Variants in COL5A2 observed in about 807,000 individuals in gnomAD.
COL5A2 encodes collagen alpha-2(V) chain.
A neutral mutation model predicts 208.2 loss-of-function variants in COL5A2; 23 were observed. The ratio of observed to expected loss-of-function variants is 0.11; its 90% confidence interval spans 0.08 to 0.16. The LOEUF is 0.16. Ranked by LOEUF, COL5A2 falls within the 10% of genes least tolerant of loss-of-function variation. COL5A2 has a pLI of 1.00. For missense variants in COL5A2, 1,590 were observed against 1,956.4 expected, an observed-to-expected ratio of 0.81 and a Z score of 3.53; for synonymous variants, 625 against 628.5, an observed-to-expected ratio of 0.99 and a Z score of 0.08.
At chr2:189,278,975 T>G in the COL5A2 span, among the ~76,000 whole-genome samples, 2 of 152,000 alleles carry the variant, frequency 1.3e-5, no homozygotes, top group Non-Finnish European at 2.9e-5. Context: ...TCTCTGAAAA[T>G]ACCTATTATA....
the COL5A2 span, among the ~76,000 whole-genome samples, chr2:189,287,844 T>C: frequency 6.6e-6 from 1 of 152,216 alleles, no homozygotes; most frequent in Non-Finnish European, 1.5e-5. Context: ...TTTTTTAAAT[T>C]AAGCAGAAAA....
rs141176829 is a variant in COL5A2 at position 189,079,491 on chromosome 2, A to T, written c.961-384T>A. On this transcript the variant is annotated intron_variant, in intron 14 of 53. Coordinates refer to ENST00000374866, the MANE Select transcript of COL5A2 (RefSeq NM_000393.5). Reference sequence around the variant, plus strand: ...TAGAAATAAAAAAAATTTTAAAGCCAAATGATTTTCCACATTAGGTCATGA... The same window carrying T: ...TAGAAATAAAAAAAATTTTAAAGCCTAATGATTTTCCACATTAGGTCATGA... Among the ~76,000 whole-genome samples the T allele has an allele frequency of 4.5e-3, 688 of 152,244 alleles. 2 individuals carry two copies. Among genetic ancestry groups the T allele is most frequent in the African/African-American group, 0.016 (670 of 41,542 alleles).
chr2:189,417,508 G>A, the COL5A2 span, among the ~76,000 whole-genome samples: 1 of 147,434 alleles, frequency 6.8e-6, no homozygotes, highest in East Asian at 2.0e-4. Context: ...AGATTATTTT[G>A]TTTAAACACA....
At chr2:189,386,541 A>G in the COL5A2 span, among the ~76,000 whole-genome samples, 1 of 152,176 alleles carries the variant, frequency 6.6e-6, no homozygotes, top group Admixed American at 6.5e-5. Flanking sequence ...AATTAAACAG[A>G]CAGCTTACAG....
At chr2:189,052,667 A>C in intron 40 of COL5A2, 82 bp downstream of exon 40, 3 of 1,341,938 alleles carry the variant, frequency 2.2e-6, no homozygotes, top group Non-Finnish European at 2.1e-6. Flanking sequence ...GTCTCAGATG[A>C]AAATTATCTT....
chr2:189,357,763 G>A, the COL5A2 span, among the ~76,000 whole-genome samples: 21 of 123,996 alleles, frequency 1.7e-4, no homozygotes, highest in South Asian at 5.6e-4. Context: ...ACTCGGGTAT[G>A]AAAAAAAAAA....
chr2:189,126,519 C>T (rs568109958), intron 1 of COL5A2, among the ~76,000 whole-genome samples: 59 of 152,144 alleles, frequency 3.9e-4, no homozygotes, highest in African/African-American at 1.4e-3. Flanking sequence ...GTGGAACATT[C>T]TGCAGAATTT....
intron 3 of COL5A2, among the ~76,000 whole-genome samples, chr2:189,101,944 A>C (rs2105694125): frequency 6.6e-6 from 1 of 152,252 alleles, no homozygotes. Context: ...CTGCATGTTC[A>C]CATCCACTAA....
At chr2:189,427,338 G>A in the COL5A2 span, among the ~76,000 whole-genome samples, 3 of 152,172 alleles carry the variant, frequency 2.0e-5, no homozygotes, top group East Asian at 5.8e-4. Context: ...GTTGAGGCTT[G>A]GGAGCCTCTG....
At chr2:189,156,532 T>C (rs1367110781) in intron 1 of COL5A2, among the ~76,000 whole-genome samples, 1 of 152,176 alleles carries the variant, frequency 6.6e-6, no homozygotes, top group Non-Finnish European at 1.5e-5. Context: ...ATGTTGATAG[T>C]CTTGTCCTCA....
the COL5A2 span, among the ~76,000 whole-genome samples, chr2:189,440,501 AAC>A: frequency 6.6e-6 from 1 of 152,220 alleles, no homozygotes; most frequent in South Asian, 2.1e-4. Context: ...GTACAGTAAA[AAC>A]ACAGTATTAT....
chr2:189,216,105 C>T (rs893119844), intron 1 of COL5A2, among the ~76,000 whole-genome samples: 9 of 152,028 alleles, frequency 5.9e-5, no homozygotes, highest in African/African-American at 2.2e-4. Context: ...TGTGTGAGCC[C>T]TGTAACAAAC....
At chr2:189,148,801 G>A (rs1320724199) in intron 1 of COL5A2, among the ~76,000 whole-genome samples, 1 of 152,112 alleles carries the variant, frequency 6.6e-6, no homozygotes, top group African/African-American at 2.4e-5. Context: ...AAATATATTA[G>A]TGGTCATTAA....
At position 189,163,894 on chromosome 2, in the gene COL5A2, A is replaced by G. The variant is rs185360345; in HGVS notation, c.97+15614T>C. ...CCAAGTTAGTCCATGACAGAGCTGC[A>G]ATTATGATGCAGATTTCCTGTGTCC... On this transcript the variant is annotated intron_variant, in intron 1 of 53. Coordinates refer to ENST00000374866, the MANE Select transcript of COL5A2 (RefSeq NM_000393.5). Among the ~76,000 whole-genome samples the G allele has an allele frequency of 2.1e-3, 315 of 152,312 alleles. 1 individual carries two copies. Among genetic ancestry groups the G allele is most frequent in the African/African-American group, 6.4e-3 (266 of 41,582 alleles).
intron 1 of COL5A2, among the ~76,000 whole-genome samples, chr2:189,176,174 G>T (rs1688675219): frequency 6.6e-6 from 1 of 152,156 alleles, no homozygotes; most frequent in Admixed American, 6.5e-5. Context: ...TCATCTCTCA[G>T]TAATCAAAAG....
intron 42 of COL5A2, 37 bp downstream of exon 42, chr2:189,051,283 A>C: frequency 6.2e-7 from 1 of 1,613,332 alleles, no homozygotes; most frequent in Non-Finnish European, 8.5e-7. Context: ...TAAATATCTC[A>C]GTTGAAGGTG....
At chr2:189,428,579 C>A in the COL5A2 span, among the ~76,000 whole-genome samples, 1 of 152,084 alleles carries the variant, frequency 6.6e-6, no homozygotes, top group Non-Finnish European at 1.5e-5. Flanking sequence ...GACTGTGCCA[C>A]TGCACTCCAG....
At chr2:189,185,190 A>C (rs1688835231) in intron 1 of COL5A2, among the ~76,000 whole-genome samples, 1 of 151,916 alleles carries the variant, frequency 6.6e-6, no homozygotes, top group African/African-American at 2.4e-5. Flanking sequence ...CGCCTGGCTA[A>C]TTTATTGTAT....
chr2:189,319,787 G>C, the COL5A2 span, among the ~76,000 whole-genome samples: 1 of 152,194 alleles, frequency 6.6e-6, no homozygotes, highest in South Asian at 2.1e-4. Context: ...AGACTTAAAT[G>C]TCCCTGTCTG....
Sources: allele counts gnomAD v4.1 joint callset (sites outside exome capture counted in the v4.1 genomes callset), GRCh38; gene constraint gnomAD v4.1.1; transcripts MANE v1.5; gene names NCBI Gene and HGNC (gene_info 2026-07-23, HGNC 2026-07-21).